The following LRBA variants were observed in gnomAD, a reference collection of about 807,000 sequenced individuals.
LRBA encodes lipopolysaccharide-responsive and beige-like anchor protein.
Under a neutral mutation model 330.0 loss-of-function variants are expected in LRBA, and 176 were observed. The observed-to-expected ratio is 0.53, with a 90% CI of 0.47 to 0.60. The LOEUF is 0.60. Among genes scored for constraint, LRBA ranks in the 20% least tolerant of loss-of-function variants. The probability of loss-of-function intolerance (pLI) is 0.00; values close to 1 mark genes in which losing one functional copy is unlikely to be tolerated. For missense variants in LRBA, 3,259 were observed against 3,444.8 expected (o/e 0.95, Z 1.35); for synonymous variants, 1,230 against 1,193.0 (o/e 1.03, Z -0.64).
At chr4:150,413,561 A>G (rs1035357871) in intron 47 of LRBA, among the ~76,000 whole-genome samples, 2 of 152,210 alleles carry the variant, frequency 1.3e-5, no homozygotes, top group Non-Finnish European at 2.9e-5. Context: ...GATTCCATTA[A>G]TATAAAATTT....
chr4:150,919,305 CA>C (rs1368382448), intron 5 of LRBA, among the ~76,000 whole-genome samples: 1 of 152,130 alleles, frequency 6.6e-6, no homozygotes, highest in Non-Finnish European at 1.5e-5. Flanking sequence ...ACTCTGTGAA[CA>C]CATTTACCTA....
intron 2 of LRBA, among the ~76,000 whole-genome samples, chr4:151,005,144 G>A (rs191844401): frequency 8.6e-5 from 13 of 151,502 alleles, no homozygotes; most frequent in African/African-American, 3.1e-4. Flanking sequence ...CAGAATCCAA[G>A]ATTATAAAAC....
chr4:150,978,707 C>A (rs1037915901), intron 2 of LRBA, among the ~76,000 whole-genome samples: 1 of 151,990 alleles, frequency 6.6e-6, no homozygotes, highest in East Asian at 1.9e-4. Flanking sequence ...AAGAATCAAG[C>A]AGAAATTTGA....
intron 37 of LRBA, among the ~76,000 whole-genome samples, chr4:150,661,911 C>T (rs567695067): frequency 5.8e-4 from 89 of 152,236 alleles, no homozygotes; most frequent in Admixed American, 1.1e-3. Context: ...TGAGGCACCA[C>T]GCCCAGCCTC....
chr4:150,920,552 A>G (rs1483431094), intron 5 of LRBA, among the ~76,000 whole-genome samples: 1 of 152,170 alleles, frequency 6.6e-6, no homozygotes, highest in African/African-American at 2.4e-5. Flanking sequence ...TCCATCTCAA[A>G]ATAAAAAAAA....
At chr4:150,824,967 G>A (rs983467512) in intron 30 of LRBA, among the ~76,000 whole-genome samples, 1 of 151,408 alleles carries the variant, frequency 6.6e-6, no homozygotes, top group Non-Finnish European at 1.5e-5. Flanking sequence ...ATCTCACCGT[G>A]TTGCCCAGGC....
intron 31 of LRBA, among the ~76,000 whole-genome samples, chr4:150,809,644 C>T (rs1743311110): frequency 6.6e-6 from 1 of 152,108 alleles, no homozygotes; most frequent in African/African-American, 2.4e-5. Context: ...TGCTTGAGCT[C>T]AGGAGTTCAA....
chr4:150,642,191 TA>T (rs1417984524), intron 37 of LRBA, among the ~76,000 whole-genome samples: 2 of 152,004 alleles, frequency 1.3e-5, no homozygotes, highest in Non-Finnish European at 2.9e-5. Context: ...AGCACAAGAA[TA>T]CATTCATATG....
chr4:150,877,694 T>TAGGGATACTCC (rs1228506659), intron 17 of LRBA, among the ~76,000 whole-genome samples: 2 of 152,194 alleles, frequency 1.3e-5, no homozygotes, highest in Non-Finnish European at 2.9e-5. Context: ...AATAGACATC[T>TAGGGATACTCC]ATGGGATACT....
At chr4:150,284,987 T>A (rs1747970810) in intron 54 of LRBA, among the ~76,000 whole-genome samples, 1 of 152,226 alleles carries the variant, frequency 6.6e-6, no homozygotes, top group Non-Finnish European at 1.5e-5. Context: ...TTACGACTCC[T>A]GTTGGCTCAG....
chr4:150,683,733 AAAT>A lies in LRBA; in HGVS notation c.5755-19_5755-17del. 1 of 1,549,788 alleles carries A rather than the reference AAAT, an allele frequency of 6.5e-7. No individual in the cohort carries two copies. The highest frequency in any genetic ancestry group is 8.8e-7 in the Non-Finnish European group (1 of 1,141,270). On this transcript the variant is annotated splice_polypyrimidine_tract_variant and intron_variant, in intron 36 of 56. Coordinates refer to ENST00000651943, the MANE Select transcript of LRBA (RefSeq NM_001364905.1). ...CACACAGTGACTTGGAGAGAAAAAAAAATAATACTATAAAAAATGTGAAAAAAA... is the reference window on the plus strand; with the variant it reads ...CACACAGTGACTTGGAGAGAAAAAAAAATACTATAAAAAATGTGAAAAAAA...
intron 53 of LRBA, among the ~76,000 whole-genome samples, chr4:150,289,490 G>C (rs1341438401): frequency 6.6e-6 from 1 of 152,160 alleles, no homozygotes; most frequent in East Asian, 1.9e-4. Flanking sequence ...AAAGCATAAG[G>C]GTAGACTTAT....
chr4:150,587,954 C>A, intron 40 of LRBA, 94 bp downstream of exon 40: 1 of 1,367,526 alleles, frequency 7.3e-7, no homozygotes. Flanking sequence ...AGAAGAAATT[C>A]AAACTAAGCC....
chr4:150,669,523 C>G (rs888501803), intron 37 of LRBA, among the ~76,000 whole-genome samples: 4 of 151,972 alleles, frequency 2.6e-5, no homozygotes, highest in African/African-American at 9.7e-5. Context: ...TTGGAGACTA[C>G]TGACCATTTG....
At chr4:150,487,689 T>C in intron 42 of LRBA, 43 bp downstream of exon 42, 2 of 1,091,614 alleles carry the variant, frequency 1.8e-6, no homozygotes, top group Non-Finnish European at 2.8e-6. Flanking sequence ...TTATAACTAT[T>C]AAGACACTTT....
At chr4:150,929,140 AGATTAACAAT>A (rs1579234058) in intron 2 of LRBA, 75 bp from the exon 3 acceptor site, 6 of 881,384 alleles carry the variant, frequency 6.8e-6, no homozygotes, top group Non-Finnish European at 1.0e-5. Context: ...CCTAAACATT[AGATTAACAAT>A]AACTACTCAC....
chr4:150,280,933 A>G (rs1747420642), intron 55 of LRBA, among the ~76,000 whole-genome samples: 1 of 152,212 alleles, frequency 6.6e-6, no homozygotes, highest in Admixed American at 6.5e-5. Flanking sequence ...GAGTGCTGGG[A>G]AAAAGGCAAT....
chr4:150,763,898 G>C (rs1407703190), intron 34 of LRBA, among the ~76,000 whole-genome samples: 2 of 151,880 alleles, frequency 1.3e-5, no homozygotes, highest in African/African-American at 4.8e-5. Flanking sequence ...CTGTGGATAG[G>C]CAGCAAGTGA....
intron 36 of LRBA, chr4:150,721,051 A>T (rs1442092621): frequency 1.8e-6 from 1 of 562,552 alleles, no homozygotes; most frequent in Non-Finnish European, 3.6e-6. Context: ...AAGGCCAACT[A>T]TCCTCCAGTT....
Sources: gnomAD v4.1 joint callset for allele counts (sites outside exome capture counted in the v4.1 genomes callset) on GRCh38, gnomAD v4.1.1 for gene constraint, MANE v1.5 for transcripts, NCBI Gene and HGNC (gene_info 2026-07-23, HGNC 2026-07-21) for gene names.